DIPK1A: variants seen among roughly 807,000 people sequenced by gnomAD.
DIPK1A encodes divergent protein kinase domain 1A.
DIPK1A carries 27 observed loss-of-function variants against 40.8 expected under a neutral mutation model. The observed-to-expected ratio is 0.66, with a 90% CI of 0.49 to 0.91. The LOEUF is 0.91. Among genes scored for constraint, DIPK1A ranks in the 40% least tolerant of loss-of-function variants. The pLI, the probability that DIPK1A is intolerant of heterozygous loss-of-function variation, is 0.00. For missense variants in DIPK1A, 412 were observed against 505.7 expected, an observed-to-expected ratio of 0.81 and a Z score of 1.78; for synonymous variants, 166 against 171.3, an observed-to-expected ratio of 0.97 and a Z score of 0.24.
chr1:92,882,518 A>G (rs1368301528), intron 1 of DIPK1A, among the ~76,000 whole-genome samples: 3 of 152,232 alleles, frequency 2.0e-5, no homozygotes, highest in African/African-American at 7.2e-5. Flanking sequence ...ACCACTGATC[A>G]TGTAACCCTA....
At chr1:92,897,068 TA>T (rs1479871045) in intron 1 of DIPK1A, among the ~76,000 whole-genome samples, 1 of 151,934 alleles carries the variant, frequency 6.6e-6, no homozygotes, top group East Asian at 1.9e-4. Flanking sequence ...GACTGTAAAC[TA>T]GTTCAACCAT....
chr1:92,877,892 T>C (rs144370649), intron 1 of DIPK1A, among the ~76,000 whole-genome samples: 12 of 152,344 alleles, frequency 7.9e-5, no homozygotes, highest in Non-Finnish European at 1.6e-4. Flanking sequence ...TTAAATGACA[T>C]AATGCCTATA....
intron 1 of DIPK1A, among the ~76,000 whole-genome samples, chr1:92,941,317 T>C (rs74911208): frequency 0.031 from 4,675 of 152,270 alleles, 205 homozygotes; most frequent in African/African-American, 0.1. Context: ...ATGGAAGTCT[T>C]GTTGTAGCAA....
intron 1 of DIPK1A, among the ~76,000 whole-genome samples, chr1:92,945,292 T>G (rs1368683315): frequency 6.6e-6 from 1 of 151,926 alleles, no homozygotes; most frequent in Admixed American, 6.6e-5. Context: ...CTGCAAAAAT[T>G]TTTAAAAAGG....
At position 92,854,011 on chromosome 1, in the gene DIPK1A, C is replaced by T. The variant is rs534702053; in HGVS notation, c.190-3056G>A. Among the ~76,000 whole-genome samples, 40 of 152,262 alleles carry T rather than the reference C, an allele frequency of 2.6e-4. 2 individuals are homozygous for T. Among genetic ancestry groups the T allele is most frequent in the South Asian group, 4.1e-4 (2 of 4,824 alleles). Reference sequence around the variant, plus strand: ...AAGTGATCCTCTTGCCTCAGTCTCCCGAGTAGCTGGGACTACAAGAATGTG... The same window carrying T: ...AAGTGATCCTCTTGCCTCAGTCTCCTGAGTAGCTGGGACTACAAGAATGTG... On this transcript the variant is annotated intron_variant, in intron 2 of 4. Transcript: ENST00000370310.
chr1:92,951,468 C>T (rs1651630341), intron 1 of DIPK1A, among the ~76,000 whole-genome samples: 1 of 152,196 alleles, frequency 6.6e-6, no homozygotes, highest in Non-Finnish European at 1.5e-5. Context: ...GCCCTGGTGA[C>T]ACTGATTTCA....
intron 1 of DIPK1A, among the ~76,000 whole-genome samples, chr1:92,903,420 C>T (rs1432284923): frequency 6.6e-6 from 1 of 152,190 alleles, no homozygotes; most frequent in East Asian, 1.9e-4. Flanking sequence ...GCATCCAATT[C>T]TATAGGCAAT....
intron 1 of DIPK1A, among the ~76,000 whole-genome samples, chr1:92,897,287 A>T (rs1372560635): frequency 6.6e-6 from 1 of 152,160 alleles, no homozygotes; most frequent in African/African-American, 2.4e-5. Flanking sequence ...TGGATTAAGA[A>T]AATGTGGCAC....
intron 1 of DIPK1A, among the ~76,000 whole-genome samples, chr1:92,959,448 C>CTTTT (rs1012376544): frequency 6.9e-5 from 8 of 115,458 alleles, no homozygotes; most frequent in South Asian, 2.9e-4. Context: ...CAGTAAAACA[C>CTTTT]TTTTTTTTTT....
intron 2 of DIPK1A, among the ~76,000 whole-genome samples, chr1:92,856,029 A>G (rs1015771832): frequency 3.3e-5 from 5 of 152,182 alleles, no homozygotes; most frequent in Non-Finnish European, 7.3e-5. Flanking sequence ...GTGAAATGTG[A>G]TTGTGCCACT....
At chr1:92,888,219 G>A (rs900346592) in intron 1 of DIPK1A, among the ~76,000 whole-genome samples, 3 of 151,624 alleles carry the variant, frequency 2.0e-5, no homozygotes, top group Non-Finnish European at 4.4e-5. Flanking sequence ...TCTAGTAACC[G>A]CTCTTCTACT....
At chr1:92,841,215 C>T (rs182371875), downstream of DIPK1A, among the ~76,000 whole-genome samples, 382 of 152,310 alleles carry the variant, frequency 2.5e-3, 5 homozygotes, top group South Asian at 0.028. Context: ...CTGTAACCAC[C>T]ATTCTGCTCT....
chr1:92,841,754 T>TATC, downstream of DIPK1A: 1 of 1,586,218 alleles, frequency 6.3e-7, no homozygotes, highest in South Asian at 1.1e-5. Context: ...TATATATTCC[T>TATC]ATCTTTTGTA....
chr1:92,894,670 A>C (rs1459312451), intron 1 of DIPK1A, among the ~76,000 whole-genome samples: 1 of 152,120 alleles, frequency 6.6e-6, no homozygotes, highest in Non-Finnish European at 1.5e-5. Flanking sequence ...GAGCTGAAGG[A>C]AATAGAGACA....
chr1:92,960,628 A>G (rs1652033833), intron 1 of DIPK1A, among the ~76,000 whole-genome samples: 1 of 152,204 alleles, frequency 6.6e-6, no homozygotes, highest in South Asian at 2.1e-4. Context: ...ATGAAAAATT[A>G]ACACGCGAAC....
intron 2 of DIPK1A, among the ~76,000 whole-genome samples, chr1:92,864,266 T>TA (rs1386747435): frequency 6.6e-6 from 1 of 152,216 alleles, no homozygotes; most frequent in African/African-American, 2.4e-5. Context: ...CCAAATATCT[T>TA]AAATTTAGTA....
chr1:92,835,520 C>T (rs922208656), intron 4 of DIPK1A, among the ~76,000 whole-genome samples: 1 of 151,066 alleles, frequency 6.6e-6, no homozygotes, highest in African/African-American at 2.4e-5. Context: ...AAAAGCCAGG[C>T]ATGATGGTGT....
At chr1:92,873,166 G>A (rs1647955458) in intron 2 of DIPK1A, among the ~76,000 whole-genome samples, 1 of 152,144 alleles carries the variant, frequency 6.6e-6, no homozygotes, top group Non-Finnish European at 1.5e-5. Context: ...ATTCCTTTAA[G>A]GTCTCAGCAC....
intron 1 of DIPK1A, among the ~76,000 whole-genome samples, chr1:92,914,638 G>A (rs913139925): frequency 6.6e-6 from 1 of 151,764 alleles, no homozygotes; most frequent in Non-Finnish European, 1.5e-5. Flanking sequence ...GCACAGTGGT[G>A]GGCACCTGTA....
Sources: gnomAD v4.1 joint callset for allele counts (sites outside exome capture counted in the v4.1 genomes callset) on GRCh38, gnomAD v4.1.1 for gene constraint, MANE v1.5 for transcripts, NCBI Gene and HGNC (gene_info 2026-07-23, HGNC 2026-07-21) for gene names.